The following TF variants were observed in gnomAD, a reference collection of about 807,000 sequenced individuals.
The protein encoded by TF is serotransferrin.
A neutral mutation model predicts 82.4 loss-of-function variants in TF; 55 were observed. That is an observed-to-expected ratio of 0.67 (90% CI 0.54 to 0.84). The LOEUF (loss-of-function observed/expected upper bound fraction) is 0.84, where lower values mean the gene tolerates loss of function less well. Among genes scored for constraint, TF ranks in the 40% least tolerant of loss-of-function variants. TF has a pLI of 0.00. For missense variants in TF, 737 were observed against 868.4 expected (o/e 0.85, Z 1.90); for synonymous variants, 332 against 332.6 (o/e 1.00, Z 0.02).
the TF span, among the ~76,000 whole-genome samples, chr3:133,712,356 C>A: frequency 6.6e-6 from 1 of 152,154 alleles, no homozygotes; most frequent in Non-Finnish European, 1.5e-5. Context: ...TTCTGCGAGC[C>A]AGGACTTCTC....
At chr3:133,684,644 A>G in the TF span, among the ~76,000 whole-genome samples, 1 of 152,220 alleles carries the variant, frequency 6.6e-6, no homozygotes, top group African/African-American at 2.4e-5. Flanking sequence ...CCCTCCCAAG[A>G]CTAAACCAGG....
Position 133,793,207 on chromosome 3 carries a change from G to GTA in TF, c.*14588_*14589dup, listed in dbSNP as rs1934888905. On this transcript the variant is annotated 3_prime_UTR_variant, in exon 17 of 17. Transcript: ENST00000402696. ...GGGAAAGACAAGAGACAGATTGTTT[G>GTA]TAAAGTAAGTCTTCCATCTATCAAC... The GTA allele has an allele frequency of 6.6e-6, 1 of 152,168 alleles. No individual in the cohort carries two copies. The highest frequency in any genetic ancestry group is 1.5e-5 in the Non-Finnish European group (1 of 68,006). The allele number at this position is 152,168 out of a possible 1,614,324, so 9.4% of individuals were successfully genotyped here.
chr3:133,695,697 T>C, the TF span, among the ~76,000 whole-genome samples: 1 of 152,190 alleles, frequency 6.6e-6, no homozygotes, highest in Non-Finnish European at 1.5e-5. Context: ...TTCCCCCTTA[T>C]CCACAGTATC....
At chr3:133,679,463 C>T in the TF span, among the ~76,000 whole-genome samples, 6 of 152,098 alleles carry the variant, frequency 3.9e-5, no homozygotes, top group South Asian at 2.1e-4. Flanking sequence ...TTTCATCACC[C>T]GCAAAATGCC....
At chr3:133,718,222 A>G in the TF span, among the ~76,000 whole-genome samples, 5 of 152,236 alleles carry the variant, frequency 3.3e-5, no homozygotes, top group East Asian at 7.7e-4. Flanking sequence ...TTGTAAAATG[A>G]AAAGACATAA....
chr3:133,735,408 A>G, the TF span, among the ~76,000 whole-genome samples: 1 of 152,024 alleles, frequency 6.6e-6, no homozygotes, highest in African/African-American at 2.4e-5. Flanking sequence ...CCTCCAAAGG[A>G]TTGCAACTCC....
the TF span, among the ~76,000 whole-genome samples, chr3:133,733,610 C>CTGT: frequency 6.6e-6 from 1 of 152,186 alleles, no homozygotes; most frequent in Non-Finnish European, 1.5e-5. Flanking sequence ...AGGTACATCT[C>CTGT]TGTCTTAAAA....
chr3:133,770,642 G>T, intron 14 of TF, 70 bp downstream of exon 14: 1 of 1,500,896 alleles, frequency 6.7e-7, no homozygotes, highest in Non-Finnish European at 9.3e-7. Flanking sequence ...TTGTATTCAG[G>T]GATGCCTTTG....
intron 2 of TF, among the ~76,000 whole-genome samples, chr3:133,749,879 G>A (rs1198634405): frequency 6.6e-6 from 1 of 152,128 alleles, no homozygotes; most frequent in Admixed American, 6.5e-5. Context: ...GAATGAGGGA[G>A]GGGAGAACGC....
chr3:133,704,152 G>C, the TF span: 187 of 186,170 alleles, frequency 1.0e-3, 2 homozygotes, highest in East Asian at 0.02. Flanking sequence ...TGAAGCCAGT[G>C]AAATGAGAAC....
intron 13 of TF, 133 bp downstream of exon 13, chr3:133,768,297 C>T: frequency 7.8e-7 from 1 of 1,281,726 alleles, no homozygotes; most frequent in Non-Finnish European, 1.1e-6. Context: ...ATTTCACAAC[C>T]AGATATAGAG....
At chr3:133,703,764 A>C in the TF span, among the ~76,000 whole-genome samples, 1 of 152,260 alleles carries the variant, frequency 6.6e-6, no homozygotes, top group Non-Finnish European at 1.5e-5. Context: ...TGTATTATCT[A>C]GAGAAATGAA....
chr3:133,723,513 A>G, the TF span, among the ~76,000 whole-genome samples: 4 of 148,824 alleles, frequency 2.7e-5, no homozygotes, highest in African/African-American at 9.8e-5. Flanking sequence ...GTTACTTTAA[A>G]ATAACTATCT....
the TF span, among the ~76,000 whole-genome samples, chr3:133,674,951 G>A: frequency 6.6e-6 from 1 of 151,986 alleles, no homozygotes; most frequent in South Asian, 2.1e-4. Context: ...TCTTTAAATG[G>A]TTGAAAGGGA....
rs562006759 is a variant in TF, at chr3:133,756,218, C to T, written c.636-64C>T. ...GTGAGTGCTGGACAGTGTGATCAGA[C>T]TCTCCAGGTGCAGGAGAAGGGCCTG... On this transcript the variant is annotated intron_variant, in intron 5 of 16. Transcript: ENST00000402696. 15 of 1,509,524 alleles carry T rather than the reference C, an allele frequency of 9.9e-6. No individual in the cohort carries two copies. The East Asian group carries it at 1.8e-4, about 18-fold the overall frequency. 93.5% of individuals were successfully genotyped at this position (1,509,524 alleles called of 1,614,324 possible).
intron 11 of TF, 92 bp downstream of exon 11, chr3:133,764,999 C>A: frequency 7.9e-7 from 1 of 1,263,898 alleles, no homozygotes; most frequent in Non-Finnish European, 1.2e-6. Flanking sequence ...ATATAAGGTG[C>A]TGTAAGAGAC....
At chr3:133,742,520 G>A (rs1933413038), upstream of TF, among the ~76,000 whole-genome samples, 2 of 152,130 alleles carry the variant, frequency 1.3e-5, no homozygotes, top group South Asian at 2.1e-4. Flanking sequence ...ATTTCAAAAT[G>A]CCTGGCATTT....
rs759662774 is a variant in TF, at chr3:133,783,353, T to G, written c.*4733T>G. ...TGGCATTATACTCGGGGGGGACAGATAGGCTACTCACTGAAGTGTTTAGAA... is the reference window on the plus strand; with the variant it reads ...TGGCATTATACTCGGGGGGGACAGAGAGGCTACTCACTGAAGTGTTTAGAA... On this transcript the variant is annotated 3_prime_UTR_variant, in exon 17 of 17. Coordinates refer to ENST00000402696, the MANE Select transcript of TF (RefSeq NM_001063.4). 4.6e-5 allele frequency: 7 copies of G among 152,192 alleles called. No homozygotes were observed. Among genetic ancestry groups the G allele is most frequent in the Non-Finnish European group, 1.0e-4 (7 of 68,030 alleles). The allele number at this position is 152,192 out of a possible 1,614,324, so 9.4% of individuals were successfully genotyped here.
the TF span, chr3:133,710,031 T>C: frequency 6.6e-6 from 1 of 152,310 alleles, no homozygotes; most frequent in African/African-American, 2.4e-5. Flanking sequence ...CCTTCTTAAT[T>C]GGAAACCTTC....
Sources: gnomAD v4.1 joint callset for allele counts (sites outside exome capture counted in the v4.1 genomes callset) on GRCh38, gnomAD v4.1.1 for gene constraint, MANE v1.5 for transcripts, NCBI Gene and HGNC (gene_info 2026-07-23, HGNC 2026-07-21) for gene names.